Variants in MGAT4C observed in about 807,000 individuals in gnomAD.
The protein encoded by MGAT4C is MGAT4 family member C, also known as alpha-1,3-mannosyl-glycoprotein 4-beta-N-acetylglucosaminyltransferase C.
Under a neutral mutation model 40.1 loss-of-function variants are expected in MGAT4C, and 19 were observed. The ratio of observed to expected loss-of-function variants is 0.47; its 90% CI spans 0.33 to 0.70. MGAT4C has a LOEUF of 0.70. MGAT4C is among the 30% of genes least tolerant of loss of function. The pLI is 0.02. For synonymous variants in MGAT4C, 181 were observed against 187.1 expected (o/e 0.97, Z 0.27); for missense variants, 491 against 563.2 (o/e 0.87, Z 1.30).
intron 3 of MGAT4C, among the ~76,000 whole-genome samples, chr12:86,430,710 G>C (rs1314198994): frequency 6.6e-6 from 1 of 152,146 alleles, no homozygotes; most frequent in Non-Finnish European, 1.5e-5. Flanking sequence ...CCAAGGTTAG[G>C]TGGAGTCATT....
chr12:86,764,756 G>C (rs1226992294), intron 1 of MGAT4C, among the ~76,000 whole-genome samples: 1 of 152,206 alleles, frequency 6.6e-6, no homozygotes, highest in African/African-American at 2.4e-5. Context: ...AGGCAAACAG[G>C]GTCTGGAGTG....
intron 4 of MGAT4C, among the ~76,000 whole-genome samples, chr12:85,981,770 G>A (rs545531104): frequency 5.3e-5 from 8 of 152,196 alleles, no homozygotes; most frequent in Non-Finnish European, 1.2e-4. Flanking sequence ...GGTACACTTA[G>A]TAGGTGATGC....
intron 4 of MGAT4C, among the ~76,000 whole-genome samples, chr12:86,261,545 T>C (rs1952658242): frequency 6.6e-6 from 1 of 152,058 alleles, no homozygotes; most frequent in South Asian, 2.1e-4. Flanking sequence ...CTGAGAAAAG[T>C]AACTTTTAAG....
chr12:86,013,455 C>A (rs767116048), intron 2 of MGAT4C, among the ~76,000 whole-genome samples: 2 of 152,032 alleles, frequency 1.3e-5, no homozygotes, highest in East Asian at 3.9e-4. Flanking sequence ...TCCTTTCACT[C>A]TATACTTCCC....
intron 2 of MGAT4C, among the ~76,000 whole-genome samples, chr12:86,464,541 A>G (rs1201149964): frequency 6.6e-6 from 1 of 152,158 alleles, no homozygotes; most frequent in African/African-American, 2.4e-5. Flanking sequence ...TTTTGCTTTG[A>G]TGACTGTACA....
At chr12:86,169,741 A>G (rs1428623515) in intron 1 of MGAT4C, among the ~76,000 whole-genome samples, 3 of 152,246 alleles carry the variant, frequency 2.0e-5, no homozygotes, top group Admixed American at 6.5e-5. Flanking sequence ...ATTCAGATCA[A>G]CCTCTTCTGA....
chr12:86,531,670 C>T lies in MGAT4C; in HGVS notation c.-228-96405G>A, dbSNP rs1222083322. On this transcript the variant is annotated intron_variant, in intron 2 of 7. Transcript: ENST00000548651. ...CTCCACAACACATGATTTGTAGACT[C>T]AAGCCAGATGCAATTTATTTTATTT... Among the ~76,000 whole-genome samples the T allele has an allele frequency of 2.6e-5, 4 of 151,966 alleles. No individual in the cohort carries two copies. The East Asian group carries it at 7.7e-4, about 29-fold the overall frequency.
chr12:86,375,673 A>T (rs1479107358), intron 3 of MGAT4C, among the ~76,000 whole-genome samples: 7 of 152,050 alleles, frequency 4.6e-5, no homozygotes. Flanking sequence ...ACTTTCAAAT[A>T]TTAATTTTTA....
chr12:86,442,471 G>C (rs1467902882), intron 2 of MGAT4C, among the ~76,000 whole-genome samples: 1 of 152,058 alleles, frequency 6.6e-6, no homozygotes, highest in Non-Finnish European at 1.5e-5. Flanking sequence ...GGTTTTTATG[G>C]TTTTAGGTCT....
chr12:86,492,963 A>G (rs1402621027), intron 2 of MGAT4C, among the ~76,000 whole-genome samples: 3 of 151,976 alleles, frequency 2.0e-5, no homozygotes, highest in African/African-American at 7.3e-5. Context: ...AAAAACAAAC[A>G]ACCCCATCAA....
intron 2 of MGAT4C, among the ~76,000 whole-genome samples, chr12:86,612,942 A>G (rs1171551863): frequency 6.6e-6 from 1 of 152,150 alleles, no homozygotes; most frequent in Admixed American, 6.5e-5. Flanking sequence ...TGTTCATCAG[A>G]AGAATTAGAA....
chr12:86,406,732 G>T (rs1956482230), intron 3 of MGAT4C, among the ~76,000 whole-genome samples: 1 of 151,896 alleles, frequency 6.6e-6, no homozygotes, highest in Non-Finnish European at 1.5e-5. Context: ...AACTAAATGT[G>T]CAAATGCTAT....
chr12:86,067,780 G>C (rs1894698586), intron 1 of MGAT4C, among the ~76,000 whole-genome samples: 1 of 152,062 alleles, frequency 6.6e-6, no homozygotes, highest in South Asian at 2.1e-4. Flanking sequence ...CATTTTTGAT[G>C]ACATTAGACC....
At chr12:86,602,884 G>A (rs1961835688) in intron 2 of MGAT4C, among the ~76,000 whole-genome samples, 1 of 20,208 alleles carries the variant, frequency 4.9e-5, no homozygotes, top group Non-Finnish European at 9.2e-5. Context: ...GCCCATCTGC[G>A]TGTGTGTGTG....
At chr12:86,634,331 T>C (rs1464201624) in intron 2 of MGAT4C, among the ~76,000 whole-genome samples, 1 of 152,164 alleles carries the variant, frequency 6.6e-6, no homozygotes, top group East Asian at 1.9e-4. Flanking sequence ...CCATCTATAC[T>C]TCAGTTACCA....
At chr12:86,508,142 T>C (rs1958504662) in intron 2 of MGAT4C, among the ~76,000 whole-genome samples, 1 of 152,290 alleles carries the variant, frequency 6.6e-6, no homozygotes, top group Admixed American at 6.5e-5. Flanking sequence ...TGTGCCATGC[T>C]GGTGCGCTGC....
At chr12:86,730,152 G>A (rs541270933) in intron 1 of MGAT4C, among the ~76,000 whole-genome samples, 10 of 151,616 alleles carry the variant, frequency 6.6e-5, no homozygotes, top group African/African-American at 1.9e-4. Context: ...AAATCTGGTC[G>A]AACATAAATA....
At chr12:86,302,148 G>C (rs1393096892) in intron 4 of MGAT4C, among the ~76,000 whole-genome samples, 2 of 150,922 alleles carry the variant, frequency 1.3e-5, no homozygotes, top group Non-Finnish European at 1.5e-5. Flanking sequence ...TTTTGCTCCA[G>C]TGTGTAAGCA....
chr12:86,148,317 C>T (rs1465297021), intron 1 of MGAT4C, among the ~76,000 whole-genome samples: 5 of 152,172 alleles, frequency 3.3e-5, no homozygotes, highest in Non-Finnish European at 5.9e-5. Flanking sequence ...CAAGCCTGCA[C>T]TTGTACCCCT....
Sources: allele counts gnomAD v4.1 joint callset (sites outside exome capture counted in the v4.1 genomes callset), GRCh38; gene constraint gnomAD v4.1.1; transcripts MANE v1.5; gene names NCBI Gene and HGNC (gene_info 2026-07-23, HGNC 2026-07-21).